Variants in HIVEP3 observed in about 807,000 individuals in gnomAD.
HIVEP3 encodes transcription factor HIVEP3.
A neutral mutation model predicts 152.8 loss-of-function variants in HIVEP3; 49 were observed. The ratio of observed to expected loss-of-function variants is 0.32; its 90% confidence interval spans 0.26 to 0.41. The LOEUF (loss-of-function observed/expected upper bound fraction) is 0.41. Ranked by LOEUF, HIVEP3 falls within the 10% of genes least tolerant of loss-of-function variation. The pLI, the probability that HIVEP3 is intolerant of heterozygous loss-of-function variation, is 1.00. For synonymous variants in HIVEP3, 1,269 were observed against 1,289.0 expected (o/e 0.98, Z 0.33); for missense variants, 2,790 against 3,103.3 (o/e 0.90, Z 2.40).
chr1:41,839,816 G>A (rs777752909), intron 1 of HIVEP3, among the ~76,000 whole-genome samples: 3 of 152,128 alleles, frequency 2.0e-5, no homozygotes, highest in Non-Finnish European at 4.4e-5. Flanking sequence ...GTAAGCCCCC[G>A]GTGACCACCC....
intron 1 of HIVEP3, among the ~76,000 whole-genome samples, chr1:41,958,206 C>T (rs1018523529): frequency 6.6e-6 from 1 of 152,216 alleles, no homozygotes; most frequent in Non-Finnish European, 1.5e-5. Flanking sequence ...ATTTGGGCCA[C>T]GTGACCAGGC....
chr1:41,835,842 C>G (rs931396157), intron 1 of HIVEP3, among the ~76,000 whole-genome samples: 2 of 152,154 alleles, frequency 1.3e-5, no homozygotes, highest in African/African-American at 4.8e-5. Context: ...CTCTAAGAAG[C>G]AGTACCAAAG....
At chr1:41,783,717 G>A (rs1649186370) in intron 1 of HIVEP3, among the ~76,000 whole-genome samples, 1 of 152,158 alleles carries the variant, frequency 6.6e-6, no homozygotes, top group Non-Finnish European at 1.5e-5. Context: ...GACATTCGTG[G>A]GTATTACTTT....
intron 1 of HIVEP3, among the ~76,000 whole-genome samples, chr1:41,907,728 T>C (rs1644736745): frequency 6.6e-6 from 1 of 152,150 alleles, no homozygotes; most frequent in South Asian, 2.1e-4. Context: ...CAGGACCCGC[T>C]GGCCTGGCAG....
At chr1:41,888,199 C>A (rs1362924849) in intron 1 of HIVEP3, among the ~76,000 whole-genome samples, 2 of 132,832 alleles carry the variant, frequency 1.5e-5, no homozygotes, top group African/African-American at 5.9e-5. Flanking sequence ...CCACGCCCGG[C>A]TAATTTTTTT....
At chr1:41,997,301 T>C (rs1645401321) in intron 1 of HIVEP3, among the ~76,000 whole-genome samples, 3 of 152,168 alleles carry the variant, frequency 2.0e-5, no homozygotes, top group African/African-American at 7.2e-5. Flanking sequence ...GTGGCCTTGG[T>C]TTGAAACTAC....
intron 5 of HIVEP3, among the ~76,000 whole-genome samples, chr1:41,574,322 G>A (rs1289624923): frequency 2.6e-5 from 4 of 152,154 alleles, no homozygotes; most frequent in African/African-American, 4.8e-5. Flanking sequence ...CTCCCCACAC[G>A]GAAAGAGGGT....
rs200998057 is a variant in HIVEP3 at position 41,638,317 on chromosome 1, GGAAA to G, written c.-720-9374_-720-9371del. ...GGAAGGAGAGAGAAAGAAAGGAAAA[GGAAA>G]GAAAGAAAGAAAGGGAGAGAGAGAG... On this transcript the variant is annotated intron_variant, in intron 2 of 8. Transcript: ENST00000372583. Among the ~76,000 whole-genome samples the G allele has an allele frequency of 2.8e-3, 298 of 105,248 alleles. 1 individual carries two copies. Among genetic ancestry groups the G allele is most frequent in the East Asian group, 5.2e-3 (19 of 3,626 alleles). 69.0% of individuals were successfully genotyped at this position (105,248 alleles called of 152,430 possible). A position where few individuals can be genotyped will look rare whatever the true frequency, so the allele number is the denominator to read the frequency against.
intron 1 of HIVEP3, among the ~76,000 whole-genome samples, chr1:41,705,744 C>T (rs1053092109): frequency 1.3e-5 from 2 of 152,146 alleles, no homozygotes; most frequent in African/African-American, 4.8e-5. Context: ...CTTTGCCTCA[C>T]AAATATCCAC....
chr1:41,777,654 A>G (rs1049444105), intron 1 of HIVEP3, among the ~76,000 whole-genome samples: 1 of 152,260 alleles, frequency 6.6e-6, no homozygotes, highest in African/African-American at 2.4e-5. Flanking sequence ...CTTTGGGTTA[A>G]AAGTCAAGGC....
intron 1 of HIVEP3, among the ~76,000 whole-genome samples, chr1:41,839,946 T>C (rs1643238275): frequency 1.3e-5 from 2 of 152,230 alleles, no homozygotes; most frequent in Non-Finnish European, 2.9e-5. Flanking sequence ...TGTGTGACTA[T>C]TTAAATGAGA....
At chr1:41,961,201 G>T (rs904740915) in intron 1 of HIVEP3, among the ~76,000 whole-genome samples, 1 of 152,176 alleles carries the variant, frequency 6.6e-6, no homozygotes, top group Admixed American at 6.5e-5. Context: ...ACATGAAAAA[G>T]CTGAGAGATA....
chr1:41,733,950 G>T (rs542834513), intron 1 of HIVEP3, among the ~76,000 whole-genome samples: 4 of 150,926 alleles, frequency 2.7e-5, no homozygotes, highest in Non-Finnish European at 5.9e-5. Context: ...CACACTCCCC[G>T]CCCTCTCCCC....
chr1:41,872,979 TG>T (rs1644108928), intron 1 of HIVEP3, among the ~76,000 whole-genome samples: 1 of 152,362 alleles, frequency 6.6e-6, no homozygotes, highest in South Asian at 2.1e-4. Flanking sequence ...AGATTTATCC[TG>T]AATAACAGAA....
At chr1:41,698,972 T>G (rs906477097) in intron 2 of HIVEP3, among the ~76,000 whole-genome samples, 2 of 152,202 alleles carry the variant, frequency 1.3e-5, no homozygotes, top group African/African-American at 4.8e-5. Context: ...AGGAAAGCTC[T>G]GCTGAGCTCA....
chr1:41,861,003 CCGAACTA>C (rs1643880584), intron 1 of HIVEP3, among the ~76,000 whole-genome samples: 1 of 152,178 alleles, frequency 6.6e-6, no homozygotes, highest in South Asian at 2.1e-4. Flanking sequence ...GATTAAAATC[CCGAACTA>C]CGAGGGAGGA....
chr1:41,951,371 C>G (rs983538733), intron 1 of HIVEP3, among the ~76,000 whole-genome samples: 1 of 152,026 alleles, frequency 6.6e-6, no homozygotes. Flanking sequence ...TAGAGTATGG[C>G]AATATAAGCC....
chr1:41,593,378 G>T (rs1440684052), intron 3 of HIVEP3, among the ~76,000 whole-genome samples: 1 of 152,072 alleles, frequency 6.6e-6, no homozygotes. Context: ...TTTGCGGGCA[G>T]CAGCACTGTA....
chr1:41,974,005 G>A (rs112925327), intron 1 of HIVEP3, among the ~76,000 whole-genome samples: 16 of 152,310 alleles, frequency 1.1e-4, no homozygotes, highest in African/African-American at 3.9e-4. Flanking sequence ...AGGGGACAGA[G>A]AGAAAACTAG....
Sources: gnomAD v4.1 joint callset for allele counts (sites outside exome capture counted in the v4.1 genomes callset) on GRCh38, gnomAD v4.1.1 for gene constraint, MANE v1.5 for transcripts, NCBI Gene and HGNC (gene_info 2026-07-23, HGNC 2026-07-21) for gene names.